Variants in WDR27 observed in about 807,000 individuals in gnomAD.
WDR27 encodes WD repeat-containing protein 27.
In WDR27, 100 loss-of-function variants were observed where a neutral mutation model predicts 114.4. The observed-to-expected ratio is 0.87, with a 90% CI of 0.74 to 1.03. The LOEUF is 1.03. Ranked by LOEUF, WDR27 falls within the 50% of genes least tolerant of loss-of-function variation. The probability of loss-of-function intolerance (pLI) is 0.00; values close to 1 mark genes in which losing one functional copy is unlikely to be tolerated. For missense variants in WDR27, 1,129 were observed against 1,092.9 expected (o/e 1.03, Z -0.47); for synonymous variants, 449 against 423.1 (o/e 1.06, Z -0.75).
At chr6:169,473,111 A>G (rs1222212298) in intron 25 of WDR27, among the ~76,000 whole-genome samples, 4 of 152,216 alleles carry the variant, frequency 2.6e-5, no homozygotes, top group Admixed American at 2.6e-4. Flanking sequence ...GAAAAAGAAA[A>G]TGGCAACAAA....
intron 21 of WDR27, among the ~76,000 whole-genome samples, chr6:169,617,189 A>T (rs1196586977): frequency 6.6e-6 from 1 of 152,162 alleles, no homozygotes; most frequent in Non-Finnish European, 1.5e-5. Context: ...AAATAAAAAG[A>T]AAGGAGAGCA....
chr6:169,533,769 A>G (rs1468585274), intron 25 of WDR27, among the ~76,000 whole-genome samples: 1 of 152,088 alleles, frequency 6.6e-6, no homozygotes, highest in Non-Finnish European at 1.5e-5. Flanking sequence ...GAAGGTGACA[A>G]TCTCACAAGC....
At chr6:169,609,460 C>T (rs11966491) in intron 22 of WDR27, among the ~76,000 whole-genome samples, 9,162 of 151,958 alleles carry the variant, frequency 0.06, 821 homozygotes, top group African/African-American at 0.19. Flanking sequence ...ACCCGTAGGC[C>T]CAACATGATG....
intron 21 of WDR27, 91 bp downstream of exon 21, chr6:169,632,856 A>G: frequency 8.2e-7 from 1 of 1,226,028 alleles, no homozygotes; most frequent in Non-Finnish European, 1.1e-6. Flanking sequence ...GGTAGCAAAC[A>G]CTTATAAAAT....
the WDR27 span, among the ~76,000 whole-genome samples, chr6:169,436,542 A>C: frequency 6.6e-6 from 1 of 152,120 alleles, no homozygotes; most frequent in Admixed American, 6.5e-5. Context: ...TAAAAAAATG[A>C]TTAGAAGATA....
intron 17 of WDR27, among the ~76,000 whole-genome samples, chr6:169,639,671 T>C (rs1223600540): frequency 6.6e-6 from 1 of 152,130 alleles, no homozygotes; most frequent in East Asian, 1.9e-4. Flanking sequence ...GCACAGTGTT[T>C]ATTTCGTACA....
the WDR27 span, among the ~76,000 whole-genome samples, chr6:169,451,888 GTTTT>G: frequency 1.3e-5 from 2 of 151,896 alleles, no homozygotes; most frequent in Non-Finnish European, 2.9e-5. Context: ...TATAAACTGT[GTTTT>G]TTTAAATATT....
At chr6:169,615,258 C>A (rs368006472) in intron 21 of WDR27, among the ~76,000 whole-genome samples, 1 of 152,022 alleles carries the variant, frequency 6.6e-6, no homozygotes, top group South Asian at 2.1e-4. Flanking sequence ...CAGGGGTACA[C>A]GTGTGGGTTT....
At chr6:169,639,822 TCAAA>T (rs1049796355) in intron 17 of WDR27, among the ~76,000 whole-genome samples, 10 of 152,116 alleles carry the variant, frequency 6.6e-5, no homozygotes, top group African/African-American at 2.2e-4. Context: ...GGAGGCATCT[TCAAA>T]CAGTCTCTCA....
intron 21 of WDR27, among the ~76,000 whole-genome samples, 158 bp from the exon 22 acceptor site, chr6:169,613,814 T>C (rs997438202): frequency 2.0e-5 from 3 of 152,250 alleles, no homozygotes; most frequent in East Asian, 3.8e-4. Context: ...CAAAAACTTC[T>C]ACATAAAGTA....
At chr6:169,435,596 C>G in the WDR27 span, among the ~76,000 whole-genome samples, 49 of 152,360 alleles carry the variant, frequency 3.2e-4, no homozygotes, top group Middle Eastern at 3.4e-3. Flanking sequence ...GACTGCCCCA[C>G]TGGATTTCAG....
chr6:169,529,437 G>A (rs73790002), intron 25 of WDR27, among the ~76,000 whole-genome samples: 2,488 of 151,710 alleles, frequency 0.016, 63 homozygotes, highest in African/African-American at 0.057. Context: ...GTAAGAAAAC[G>A]TTTAGAAATA....
chr6:169,546,859 G>T (rs1298400430), intron 25 of WDR27, among the ~76,000 whole-genome samples: 4 of 152,264 alleles, frequency 2.6e-5, no homozygotes, highest in African/African-American at 7.2e-5. Context: ...ATCTCACAGG[G>T]CCTCCTTAGT....
At position 169,649,276 on chromosome 6, in the gene WDR27, C is replaced by A; in HGVS notation, c.1482-1G>T. 7 of 1,566,224 alleles carry A rather than the reference C, an allele frequency of 4.5e-6. No homozygotes were observed. The highest frequency in any genetic ancestry group is 6.1e-6 in the Non-Finnish European group (7 of 1,154,284). ...GGTCTTTGGTGAAAACATAGTTACA[C>A]TGTGGAAAGAAAACTCTAATATCAC... On this transcript the variant is annotated splice_acceptor_variant, in intron 14 of 25. Coordinates refer to ENST00000448612, the MANE Select transcript of WDR27 (RefSeq NM_182552.5). LOFTEE classifies it high-confidence loss of function.
At chr6:169,586,847 C>CAA (rs3029697) in intron 23 of WDR27, among the ~76,000 whole-genome samples, 1,275 of 32,030 alleles carry the variant, frequency 0.04, 415 homozygotes, top group African/African-American at 0.13. Flanking sequence ...GACTCTGTCT[C>CAA]AAAAAAAAAA....
At chr6:169,663,821 A>C in intron 8 of WDR27, 3 of 269,122 alleles carry the variant, frequency 1.1e-5, no homozygotes, top group Non-Finnish European at 2.1e-5. Context: ...TGCAGGTGGC[A>C]TCTGAGTCAT....
At chr6:169,631,754 A>G (rs1816460983) in intron 21 of WDR27, among the ~76,000 whole-genome samples, 1 of 152,212 alleles carries the variant, frequency 6.6e-6, no homozygotes, top group African/African-American at 2.4e-5. Context: ...CCCTTTATCC[A>G]GAAAAGATGC....
intron 23 of WDR27, among the ~76,000 whole-genome samples, chr6:169,601,324 A>T (rs1336211879): frequency 6.6e-6 from 1 of 152,248 alleles, no homozygotes; most frequent in African/African-American, 2.4e-5. Context: ...GAATCATCTG[A>T]ATCAGCAGAA....
intron 14 of WDR27, among the ~76,000 whole-genome samples, chr6:169,650,158 C>A (rs1234326937): frequency 3.1e-4 from 46 of 150,478 alleles, no homozygotes; most frequent in African/African-American, 1.1e-3. Context: ...CTCTCCATCC[C>A]TCCATCCATC....
Sources: gnomAD v4.1 joint callset for allele counts (sites outside exome capture counted in the v4.1 genomes callset) on GRCh38, gnomAD v4.1.1 for gene constraint, MANE v1.5 for transcripts, NCBI Gene and HGNC (gene_info 2026-07-23, HGNC 2026-07-21) for gene names.